The following MAGI1 variants were observed in gnomAD, a reference collection of about 807,000 sequenced individuals.
MAGI1 encodes the protein membrane associated guanylate kinase, WW and PDZ domain containing 1.
In MAGI1, 58 loss-of-function variants were observed where a neutral mutation model predicts 139.9. That is an observed-to-expected ratio of 0.41 (90% CI 0.34 to 0.52). The LOEUF (loss-of-function observed/expected upper bound fraction) is 0.52. MAGI1 is among the 20% of genes least tolerant of loss of function. The pLI, the probability that MAGI1 is intolerant of heterozygous loss-of-function variation, is 0.12. For missense variants in MAGI1, 1,874 were observed against 1,901.6 expected (o/e 0.99, Z 0.27); for synonymous variants, 812 against 737.9 (o/e 1.10, Z -1.63).
At chr3:65,391,085 G>A (rs987063526) in intron 14 of MAGI1, 57 bp downstream of exon 14, 33 of 1,426,432 alleles carry the variant, frequency 2.3e-5, no homozygotes, top group Non-Finnish European at 3.1e-5. Flanking sequence ...ACCTTCAAGA[G>A]AAAGGTAGAG....
At chr3:65,452,625 A>G (rs1428413033) in intron 6 of MAGI1, 2 of 152,026 alleles carry the variant, frequency 1.3e-5, no homozygotes, top group Admixed American at 6.6e-5. Context: ...GAAAACCCAA[A>G]GCCTTGAAAT....
chr3:65,818,824 G>A (rs920982219), intron 1 of MAGI1, among the ~76,000 whole-genome samples: 13 of 152,102 alleles, frequency 8.5e-5, no homozygotes, highest in African/African-American at 1.7e-4. Flanking sequence ...AGACTGGAGC[G>A]TGCAGGAAGC....
rs1022726198 is a variant in MAGI1, at chr3:65,417,407, A to G, written c.2167+12113T>C. On this transcript the variant is annotated intron_variant, in intron 12 of 22. Coordinates refer to ENST00000402939, the MANE Select transcript of MAGI1 (RefSeq NM_001033057.2). ...AGCAAAGACTTTTCAAATGGGAAAC[A>G]TTATCCAAAGTTGCTGACAACTAAT... 7.9e-5 allele frequency among the ~76,000 whole-genome samples: 12 copies of G among 152,304 alleles called. No homozygotes were observed. The Middle Eastern group carries it at 0.01, about 130-fold the overall frequency.
intron 1 of MAGI1, among the ~76,000 whole-genome samples, chr3:65,784,737 A>C (rs77795277): frequency 2.8e-3 from 1 of 354 alleles, no homozygotes. Context: ...AAAAGAAAAG[A>C]AAAAAAAAAA....
In MAGI1 at chr3:65,406,222, G is replaced by A. The variant is rs866991430; in HGVS notation, c.2168-4752C>T. Among the ~76,000 whole-genome samples, 10 of 151,874 alleles carry A rather than the reference G, an allele frequency of 6.6e-5. No homozygotes were observed. In the South Asian group the frequency reaches 8.3e-4, roughly 13 times the overall value. ...TGTCCTACTGATTAAATGTAAATACGGAAGAAGTAGGAGAGCTCAGCTGGG... is the reference window on the plus strand; with the variant it reads ...TGTCCTACTGATTAAATGTAAATACAGAAGAAGTAGGAGAGCTCAGCTGGG... On this transcript the variant is annotated intron_variant, in intron 12 of 22. Transcript: ENST00000402939.
chr3:66,004,166 T>TA (rs1051779007), intron 1 of MAGI1, among the ~76,000 whole-genome samples: 1 of 152,190 alleles, frequency 6.6e-6, no homozygotes, highest in Non-Finnish European at 1.5e-5. Flanking sequence ...CTCTGGTTAC[T>TA]AATGCTCCAA....
chr3:65,912,024 T>G (rs1479490941), intron 1 of MAGI1, among the ~76,000 whole-genome samples: 1 of 152,206 alleles, frequency 6.6e-6, no homozygotes, highest in Non-Finnish European at 1.5e-5. Context: ...CTTGAAAGCC[T>G]AAATTCTCAA....
intron 2 of MAGI1, among the ~76,000 whole-genome samples, chr3:65,518,394 G>A (rs989051694): frequency 2.0e-5 from 3 of 152,240 alleles, no homozygotes; most frequent in Admixed American, 6.5e-5. Flanking sequence ...AGTGACTAGC[G>A]CAGGCTAGGC....
At chr3:65,955,831 C>T (rs941862010) in intron 1 of MAGI1, among the ~76,000 whole-genome samples, 15 of 151,910 alleles carry the variant, frequency 9.9e-5, no homozygotes, top group African/African-American at 2.9e-4. Context: ...CCACTGAGGC[C>T]GCCAGTCACA....
chr3:65,480,611 A>C (rs985544183), intron 3 of MAGI1, among the ~76,000 whole-genome samples: 1 of 112,744 alleles, frequency 8.9e-6, no homozygotes, highest in Non-Finnish European at 1.7e-5. Flanking sequence ...TTTGAGATGG[A>C]GTCTTGCTGC....
At chr3:65,850,938 C>T (rs890180868) in intron 1 of MAGI1, among the ~76,000 whole-genome samples, 9 of 152,082 alleles carry the variant, frequency 5.9e-5, no homozygotes, top group African/African-American at 2.2e-4. Context: ...GAAACCCTGT[C>T]TCTACTTAAA....
rs565622572 is a variant in MAGI1, at chr3:65,653,071, G to A, written c.314-30983C>T. On this transcript the variant is annotated intron_variant, in intron 1 of 22. Transcript: ENST00000402939. ...AGTTTCAGAATAATCTCAATGAGAT[G>A]AGAAAACTTGTATACTTTTTTTTCT... 2.6e-5 allele frequency among the ~76,000 whole-genome samples: 4 copies of A among 152,272 alleles called. No individual in the cohort carries two copies. In the South Asian group the frequency reaches 8.3e-4, roughly 32 times the overall value.
chr3:65,667,770 C>T (rs1431398866), intron 1 of MAGI1, among the ~76,000 whole-genome samples: 2 of 152,134 alleles, frequency 1.3e-5, no homozygotes, highest in African/African-American at 2.4e-5. Context: ...TGCCATGTTG[C>T]CCAGGCTGGT....
At chr3:65,672,467 AG>A (rs1485909179) in intron 1 of MAGI1, among the ~76,000 whole-genome samples, 7 of 152,238 alleles carry the variant, frequency 4.6e-5, no homozygotes, top group Non-Finnish European at 7.3e-5. Flanking sequence ...ATATCGGTTT[AG>A]GTCACACTTA....
intron 1 of MAGI1, among the ~76,000 whole-genome samples, chr3:65,796,382 A>G (rs1285613533): frequency 5.3e-5 from 8 of 152,312 alleles, no homozygotes; most frequent in Admixed American, 5.2e-4. Context: ...ATACCTTCCC[A>G]GCGACATCCA....
At chr3:65,606,634 A>C (rs6445488) in intron 2 of MAGI1, among the ~76,000 whole-genome samples, 115,148 of 152,036 alleles carry the variant, frequency 0.76, 44,408 homozygotes, top group African/African-American at 0.85. Flanking sequence ...TCTCCTGCTT[A>C]GGCCTCCTGA....
intron 2 of MAGI1, among the ~76,000 whole-genome samples, chr3:65,564,979 T>A (rs1331927275): frequency 6.6e-6 from 1 of 152,140 alleles, no homozygotes; most frequent in Non-Finnish European, 1.5e-5. Flanking sequence ...CTAAAAACAA[T>A]CGACCTTCAG....
chr3:65,499,360 G>A (rs1392860068), intron 2 of MAGI1, among the ~76,000 whole-genome samples: 1 of 152,130 alleles, frequency 6.6e-6, no homozygotes, highest in Admixed American at 6.6e-5. Context: ...GTAAAGAATG[G>A]TTAAATTGGC....
intron 1 of MAGI1, among the ~76,000 whole-genome samples, chr3:65,831,724 C>T (rs2042540354): frequency 6.6e-6 from 1 of 152,142 alleles, no homozygotes; most frequent in Admixed American, 6.6e-5. Flanking sequence ...TAAAAAGCAC[C>T]TACTGGAGAG....
Sources: gnomAD v4.1 joint callset for allele counts (sites outside exome capture counted in the v4.1 genomes callset) on GRCh38, gnomAD v4.1.1 for gene constraint, MANE v1.5 for transcripts, NCBI Gene and HGNC (gene_info 2026-07-23, HGNC 2026-07-21) for gene names.